RAP1GAP2: variants seen among roughly 807,000 people sequenced by gnomAD.
RAP1GAP2 encodes the protein rap1 GTPase-activating protein 2.
Under a neutral mutation model 95.0 loss-of-function variants are expected in RAP1GAP2, and 27 were observed. The ratio of observed to expected loss-of-function variants is 0.28; its 90% CI spans 0.21 to 0.39. RAP1GAP2 has a LOEUF of 0.39. Among genes scored for constraint, RAP1GAP2 ranks in the 10% least tolerant of loss-of-function variants. The pLI is 1.00. For synonymous variants in RAP1GAP2, 373 were observed against 380.9 expected (o/e 0.98, Z 0.24); for missense variants, 771 against 970.0 (o/e 0.79, Z 2.72).
At chr17:2,930,780 A>C (rs1398462830) in intron 3 of RAP1GAP2, among the ~76,000 whole-genome samples, 1 of 152,200 alleles carries the variant, frequency 6.6e-6, no homozygotes. Flanking sequence ...GCACGAAACA[A>C]AACAAAATGC....
Position 2,996,454 on chromosome 17 carries a change from T to C in RAP1GAP2, c.1044+988T>C, listed in dbSNP as rs538921263. Among the ~76,000 whole-genome samples the C allele has an allele frequency of 1.2e-4, 18 of 152,266 alleles. No individual in the cohort carries two copies. The South Asian group carries it at 3.5e-3, about 30-fold the overall frequency. On this transcript the variant is annotated intron_variant, in intron 13 of 24. Coordinates refer to ENST00000254695, the MANE Select transcript of RAP1GAP2 (RefSeq NM_015085.5). ...AGGAACTGGGGAGGGAGCACAGATG[T>C]AAAATTGTAAACATAGTGCCTGGCT...
intron 19 of RAP1GAP2, among the ~76,000 whole-genome samples, chr17:3,022,384 C>G (rs537185624): frequency 6.6e-6 from 1 of 152,182 alleles, no homozygotes; most frequent in Non-Finnish European, 1.5e-5. Flanking sequence ...CATAGAGTTA[C>G]CATATTACCA....
Position 2,771,490 on chromosome 17 carries a change from T to G in RAP1GAP2, c.167+1045T>G, listed in dbSNP as rs369225032. Reference sequence around the variant, plus strand: ...CCCCATCAAAGCCACTTTTTTGTTTTTTTTTTTTGTTTTTTTTTTTTAGAT... The same window carrying G: ...CCCCATCAAAGCCACTTTTTTGTTTGTTTTTTTTGTTTTTTTTTTTTAGAT... On this transcript the variant is annotated intron_variant, in intron 2 of 25. Transcript: ENST00000637138. 3.0e-3 allele frequency among the ~76,000 whole-genome samples: 445 copies of G among 146,882 alleles called. 6 individuals carry two copies. Among genetic ancestry groups the G allele is most frequent in the African/African-American group, 0.011 (418 of 37,662 alleles).
At chr17:2,937,718 G>A (rs911269701) in intron 3 of RAP1GAP2, among the ~76,000 whole-genome samples, 1 of 152,184 alleles carries the variant, frequency 6.6e-6, no homozygotes, top group African/African-American at 2.4e-5. Context: ...ACATTGCCAG[G>A]CCTCTCTGCA....
chr17:3,027,767 G>A lies in RAP1GAP2; in HGVS notation c.2107+697G>A, dbSNP rs2047171999. 7.2e-6 allele frequency among the ~76,000 whole-genome samples: 1 copy of A among 139,392 alleles called. No homozygotes were observed. Among genetic ancestry groups the A allele is most frequent in the Non-Finnish European group, 1.6e-5 (1 of 63,662 alleles). 91.4% of individuals were successfully genotyped at this position (139,392 alleles called of 152,430 possible). On this transcript the variant is annotated intron_variant, in intron 22 of 24. Coordinates refer to ENST00000254695, the MANE Select transcript of RAP1GAP2 (RefSeq NM_015085.5). The surrounding 1 kb of genome is among the most constrained non-coding windows in gnomAD (Gnocchi z 5.2). The stretch of plus-strand genomic sequence containing the variant: ...TGTAGAATGGATTAGTAGAGAGCAG[G>A]AGCAGAGGGGAGGGATGGAGGGGAG...
intron 3 of RAP1GAP2, among the ~76,000 whole-genome samples, chr17:2,949,849 C>T (rs1005690460): frequency 1.3e-5 from 2 of 152,204 alleles, no homozygotes; most frequent in Non-Finnish European, 2.9e-5. Flanking sequence ...TTGGAAAGTG[C>T]AGCAAGTCGC....
At chr17:2,981,278 G>GC (rs1169622613) in intron 10 of RAP1GAP2, 30 bp downstream of exon 10, 2 of 1,583,462 alleles carry the variant, frequency 1.3e-6, no homozygotes. Context: ...CAACATAGGG[G>GC]CCCTGCAGCT....
chr17:2,964,131 G>GGAGACGCTGGGA, intron 7 of RAP1GAP2, 63 bp downstream of exon 7: 1 of 1,458,358 alleles, frequency 6.9e-7, no homozygotes, highest in Non-Finnish European at 9.4e-7. Context: ...CTGGGAGAGA[G>GGAGACGCTGGGA]GAGGTACCAG....
At chr17:2,782,784 G>C (rs573110117) in intron 1 of RAP1GAP2, among the ~76,000 whole-genome samples, 23 of 152,306 alleles carry the variant, frequency 1.5e-4, no homozygotes, top group African/African-American at 5.3e-4. Context: ...GGGAGGCCAA[G>C]GTGAGTGGAT....
chr17:2,834,370 A>G (rs1217725725), intron 2 of RAP1GAP2, among the ~76,000 whole-genome samples: 1 of 152,186 alleles, frequency 6.6e-6, no homozygotes, highest in Non-Finnish European at 1.5e-5. Flanking sequence ...TGCCAATCTC[A>G]AACCCAGGAA....
intron 17 of RAP1GAP2, among the ~76,000 whole-genome samples, chr17:3,015,579 G>C (rs1304533242): frequency 6.6e-6 from 1 of 152,288 alleles, no homozygotes; most frequent in East Asian, 1.9e-4. Flanking sequence ...AGCACTTTGG[G>C]AGGCTGAGGC....
At chr17:2,758,193 T>G (rs1432169907) in intron 1 of RAP1GAP2, among the ~76,000 whole-genome samples, 1 of 137,474 alleles carries the variant, frequency 7.3e-6, no homozygotes, top group Admixed American at 7.3e-5. Context: ...TTTTTTTTTT[T>G]AAGATGAAGT....
upstream of RAP1GAP2, among the ~76,000 whole-genome samples, chr17:2,773,216 G>A (rs146619521): frequency 6.6e-6 from 1 of 152,244 alleles, no homozygotes; most frequent in East Asian, 1.9e-4. Flanking sequence ...AAGTTCCAGA[G>A]TCAGCAGTTA....
intron 2 of RAP1GAP2, among the ~76,000 whole-genome samples, chr17:2,849,999 CTT>C (rs5818878): frequency 7.5e-5 from 10 of 132,540 alleles, no homozygotes; most frequent in African/African-American, 1.1e-4. Flanking sequence ...ACACTGCCTG[CTT>C]TTTTTTTTTT....
At chr17:2,800,654 G>A (rs1288362394) in intron 2 of RAP1GAP2, 104 bp downstream of exon 2, 2 of 1,250,790 alleles carry the variant, frequency 1.6e-6, no homozygotes, top group Non-Finnish European at 2.3e-6. Flanking sequence ...GGGCTGTCGT[G>A]TTTGTCAGAT....
chr17:2,842,298 G>A (rs2071400142), intron 2 of RAP1GAP2, among the ~76,000 whole-genome samples: 1 of 152,088 alleles, frequency 6.6e-6, no homozygotes, highest in Non-Finnish European at 1.5e-5. Context: ...GGGAGGGCGA[G>A]GCAGGCAGGT....
intron 1 of RAP1GAP2, among the ~76,000 whole-genome samples, chr17:2,783,841 G>T (rs1005365774): frequency 1.3e-5 from 2 of 152,222 alleles, no homozygotes; most frequent in South Asian, 4.1e-4. Context: ...CTTTGGGTCA[G>T]TTCCTCTGCA....
chr17:2,759,428 G>A (rs2071204670), intron 1 of RAP1GAP2, among the ~76,000 whole-genome samples: 1 of 151,824 alleles, frequency 6.6e-6, no homozygotes, highest in African/African-American at 2.4e-5. Context: ...CTACAGGCAC[G>A]TGCCACCACG....
At chr17:2,893,089 G>A (rs4790100) in intron 2 of RAP1GAP2, among the ~76,000 whole-genome samples, 40,103 of 151,570 alleles carry the variant, frequency 0.26, 5,720 homozygotes, top group Middle Eastern at 0.32. Flanking sequence ...GTGTAGTAGC[G>A]TGATCTTGGC....
Sources: allele counts gnomAD v4.1 joint callset (sites outside exome capture counted in the v4.1 genomes callset), GRCh38; gene constraint gnomAD v4.1.1; non-coding constraint Gnocchi (gnomAD v3.1); transcripts MANE v1.5; gene names NCBI Gene and HGNC (gene_info 2026-07-23, HGNC 2026-07-21).